Variants in ALKAL1 observed in about 807,000 individuals in gnomAD.
The protein encoded by ALKAL1 is AUG-beta.
In ALKAL1, 23 loss-of-function variants were observed where a neutral mutation model predicts 13.5. The observed-to-expected ratio is 1.70, with a 90% CI of 1.23 to 2.41. The LOEUF (loss-of-function observed/expected upper bound fraction) is 2.41, where lower values mean the gene tolerates loss of function less well. ALKAL1 is among the 30% of genes most tolerant of loss of function. The pLI is 0.00. For synonymous variants in ALKAL1, 85 were observed against 77.7 expected, an observed-to-expected ratio of 1.09 and a Z score of -0.49; for missense variants, 181 against 178.4, an observed-to-expected ratio of 1.01 and a Z score of -0.08.
intron 4 of ALKAL1, among the ~76,000 whole-genome samples, chr8:52,537,188 G>A (rs1847272905): frequency 6.6e-6 from 1 of 152,016 alleles, no homozygotes; most frequent in South Asian, 2.1e-4. Flanking sequence ...CTCAAAAGAA[G>A]ACATACAAAA....
At position 52,555,731 on chromosome 8, in the gene ALKAL1, C is replaced by A. The variant is rs566598306; in HGVS notation, c.190+9336G>T. Among the ~76,000 whole-genome samples the A allele has an allele frequency of 1.1e-4, 17 of 152,268 alleles. No homozygotes were observed. The East Asian group carries it at 3.1e-3, about 28-fold the overall frequency. Reference sequence around the variant, plus strand: ...ATCATTCAAACCAGCCAATCCTACGCCCACTCACCCTGCCGTGCCTTGGCT... The same window carrying A: ...ATCATTCAAACCAGCCAATCCTACGACCACTCACCCTGCCGTGCCTTGGCT... On this transcript the variant is annotated intron_variant, in intron 1 of 4. Coordinates refer to ENST00000358543, the MANE Select transcript of ALKAL1 (RefSeq NM_207413.4).
intron 1 of ALKAL1, among the ~76,000 whole-genome samples, chr8:52,553,172 ACT>A (rs980677445): frequency 5.3e-4 from 81 of 152,124 alleles, no homozygotes; most frequent in African/African-American, 1.9e-3. Flanking sequence ...ACATAGCGAG[ACT>A]CTATCTCTAC....
chr8:52,544,209 A>G (rs910184905), intron 1 of ALKAL1, among the ~76,000 whole-genome samples: 12 of 152,184 alleles, frequency 7.9e-5, no homozygotes, highest in Non-Finnish European at 1.3e-4. Flanking sequence ...GCCTCCTTGT[A>G]CTCAGTACAG....
chr8:52,556,646 C>CAAAAA lies in ALKAL1; in HGVS notation c.190+8416_190+8420dup, dbSNP rs59483863. ...TGGGCGACAGAGCGAAACTCTGTCT[C>CAAAAA]AAAAAAAAAAAAAAAAAAAAAAAAA... On this transcript the variant is annotated intron_variant, in intron 1 of 4. Transcript: ENST00000358543. Among the ~76,000 whole-genome samples the CAAAAA allele has an allele frequency of 1.6e-4, 8 of 51,364 alleles. 2 individuals are homozygous for CAAAAA. Among genetic ancestry groups the CAAAAA allele is most frequent in the East Asian group, 4.4e-4 (1 of 2,268 alleles). 33.7% of individuals were successfully genotyped at this position (51,364 alleles called of 152,430 possible). A position where few individuals can be genotyped will look rare whatever the true frequency, so the allele number is the denominator to read the frequency against.
intron 1 of ALKAL1, among the ~76,000 whole-genome samples, chr8:52,547,755 A>G (rs1847385021): frequency 6.6e-6 from 1 of 152,222 alleles, no homozygotes; most frequent in Non-Finnish European, 1.5e-5. Flanking sequence ...TGGGAGGATG[A>G]GGCTGGAGGA....
At chr8:52,556,234 A>G (rs1847479785) in intron 1 of ALKAL1, among the ~76,000 whole-genome samples, 1 of 152,214 alleles carries the variant, frequency 6.6e-6, no homozygotes, top group South Asian at 2.1e-4. Flanking sequence ...TTACTATCTG[A>G]TTACCATATG....
At chr8:52,563,304 G>A (rs763552762) in intron 1 of ALKAL1, among the ~76,000 whole-genome samples, 4 of 152,106 alleles carry the variant, frequency 2.6e-5, no homozygotes, top group Admixed American at 6.6e-5. Context: ...GTGGTGGTGC[G>A]CCTGTAATCC....
In ALKAL1 at chr8:52,563,616, T is replaced by G. The variant is rs374351989; in HGVS notation, c.190+1451A>C. ...TTCACATTCCAAAGTGACATTTTAT[T>G]CTCTGAGATAAATATTTTAGGCTAA... On this transcript the variant is annotated intron_variant, in intron 1 of 4. Coordinates refer to ENST00000358543, the MANE Select transcript of ALKAL1 (RefSeq NM_207413.4). Among the ~76,000 whole-genome samples, 11 of 152,306 alleles carry G rather than the reference T, an allele frequency of 7.2e-5. No individual in the cohort carries two copies. The East Asian group carries it at 2.1e-3, about 29-fold the overall frequency.
chr8:52,535,478 G>C (rs1847255948), intron 4 of ALKAL1, among the ~76,000 whole-genome samples: 1 of 147,814 alleles, frequency 6.8e-6, no homozygotes, highest in Non-Finnish European at 1.5e-5. Flanking sequence ...TGGACCCTGG[G>C]AGGTTGAGGC....
intron 1 of ALKAL1, among the ~76,000 whole-genome samples, chr8:52,550,907 A>G (rs1350598225): frequency 6.6e-6 from 1 of 152,132 alleles, no homozygotes; most frequent in East Asian, 1.9e-4. Context: ...CCTATTTCCC[A>G]ATAGGGCCAC....
chr8:52,547,444 G>C (rs1847381728), intron 1 of ALKAL1, among the ~76,000 whole-genome samples: 1 of 152,154 alleles, frequency 6.6e-6, no homozygotes, highest in South Asian at 2.1e-4. Context: ...AGGTTGTAGT[G>C]AGCCAAGATC....
At chr8:52,563,834 G>C (rs1335815352) in intron 1 of ALKAL1, among the ~76,000 whole-genome samples, 2 of 151,984 alleles carry the variant, frequency 1.3e-5, no homozygotes, top group African/African-American at 4.8e-5. Flanking sequence ...CCCTCCCCAG[G>C]GCAGGACACC....
intron 2 of ALKAL1, among the ~76,000 whole-genome samples, chr8:52,542,144 G>A (rs536610298): frequency 7.2e-4 from 109 of 152,250 alleles, no homozygotes; most frequent in African/African-American, 2.5e-3. Context: ...ACTACAAGCC[G>A]TTCTTGGTAG....
intron 1 of ALKAL1, among the ~76,000 whole-genome samples, chr8:52,562,586 A>G (rs530038343): frequency 1.3e-5 from 2 of 151,256 alleles, no homozygotes; most frequent in African/African-American, 4.9e-5. Flanking sequence ...CCTGGTTACT[A>G]CTCCCTCTAC....
intron 3 of ALKAL1, 31 bp downstream of exon 3, chr8:52,539,799 TA>T (rs34430102): frequency 0.014 from 17,137 of 1,232,176 alleles, 10 homozygotes; most frequent in African/African-American, 0.024. Context: ...GTTGGATAAT[TA>T]AAAAAAAAAA....
chr8:52,546,255 A>C (rs975260005), intron 1 of ALKAL1, among the ~76,000 whole-genome samples: 1 of 152,152 alleles, frequency 6.6e-6, no homozygotes. Context: ...TTTGTGAATA[A>C]AGCTCTGCTG....
At chr8:52,562,342 T>C (rs1847559136) in intron 1 of ALKAL1, among the ~76,000 whole-genome samples, 1 of 152,144 alleles carries the variant, frequency 6.6e-6, no homozygotes, top group South Asian at 2.1e-4. Context: ...GCAGGAATTA[T>C]GAACTGAATT....
At chr8:52,554,197 C>T (rs1847458076) in intron 1 of ALKAL1, among the ~76,000 whole-genome samples, 1 of 152,164 alleles carries the variant, frequency 6.6e-6, no homozygotes, top group Admixed American at 6.5e-5. Flanking sequence ...GCACTCCAGC[C>T]TGGGCAACAA....
chr8:52,546,452 G>A (rs1166894668), intron 1 of ALKAL1, among the ~76,000 whole-genome samples: 1 of 152,166 alleles, frequency 6.6e-6, no homozygotes, highest in Non-Finnish European at 1.5e-5. Context: ...TTACTCCAAA[G>A]CCTCCTATCA....
Sources: gnomAD v4.1 joint callset for allele counts (sites outside exome capture counted in the v4.1 genomes callset) on GRCh38, gnomAD v4.1.1 for gene constraint, MANE v1.5 for transcripts, NCBI Gene and HGNC (gene_info 2026-07-23, HGNC 2026-07-21) for gene names.